Variants in RPS6KC1 observed in about 807,000 individuals in gnomAD.
The protein encoded by RPS6KC1 is ribosomal protein S6 kinase C1, also known as inactive ribosomal protein S6 kinase delta-1.
In RPS6KC1, 54 loss-of-function variants were observed where a neutral mutation model predicts 103.8. The observed-to-expected ratio is 0.52, with a 90% CI of 0.42 to 0.65. The LOEUF is 0.65. Ranked by LOEUF, RPS6KC1 falls within the 30% of genes least tolerant of loss-of-function variation. The pLI is 0.00. For missense variants in RPS6KC1, 1,151 were observed against 1,253.8 expected (o/e 0.92, Z 1.24); for synonymous variants, 439 against 438.7 (o/e 1.00, Z -0.01).
At chr1:213,810,144 G>A in the RPS6KC1 span, among the ~76,000 whole-genome samples, 1 of 152,200 alleles carries the variant, frequency 6.6e-6, no homozygotes. Flanking sequence ...CAATAATGTG[G>A]AATCAGGCAA....
chr1:213,193,075 T>C (rs1254035371), intron 8 of RPS6KC1, among the ~76,000 whole-genome samples: 1 of 151,980 alleles, frequency 6.6e-6, no homozygotes, highest in Non-Finnish European at 1.5e-5. Context: ...TATTCCAGTT[T>C]TTTTTTTTTT....
the RPS6KC1 span, among the ~76,000 whole-genome samples, chr1:213,851,287 G>C: frequency 6.6e-6 from 1 of 152,106 alleles, no homozygotes; most frequent in African/African-American, 2.4e-5. Context: ...CATCATCTCT[G>C]TATCACCTAC....
rs2094068897 is a variant in RPS6KC1 at position 213,230,507 on chromosome 1, T to C, written c.1055T>C (p.Val352Ala). The change falls in exon 9 of 15, where the codon GTA (valine) becomes GCA (alanine). Residue 352 changes from valine (V) to alanine (A), a missense_variant. Val to Ala is a moderately conservative substitution (Grantham distance 64). Transcript: ENST00000366960. Reference sequence around the variant, plus strand: ...GTGTCTTTTATGTAGGTTTTACTTGTAATGGACACAAGGACAGAACAGACT... The same window carrying C: ...GTGTCTTTTATGTAGGTTTTACTTGCAATGGACACAAGGACAGAACAGACT... Reference protein sequence around the residue: ...VLGVIDKVLLVMDTRTEQTFI... With the variant: ...VLGVIDKVLLAMDTRTEQTFI... 2 of 1,604,430 alleles carry C rather than the reference T, an allele frequency of 1.2e-6. No individual in the cohort carries two copies. Among genetic ancestry groups the C allele is most frequent in the Admixed American group, 1.7e-5 (1 of 58,770 alleles).
At chr1:213,545,434 AG>A in the RPS6KC1 span, among the ~76,000 whole-genome samples, 28,933 of 74,078 alleles carry the variant, frequency 0.39, 3,633 homozygotes, top group East Asian at 0.61. Flanking sequence ...ATAAAATAAA[AG>A]AGAGAGAGAG....
At chr1:213,072,497 G>C (rs1055055276) in intron 2 of RPS6KC1, among the ~76,000 whole-genome samples, 4 of 150,606 alleles carry the variant, frequency 2.7e-5, no homozygotes, top group Non-Finnish European at 5.9e-5. Flanking sequence ...GCAGTGAGCT[G>C]AGATTGCACC....
chr1:213,410,886 T>C, the RPS6KC1 span, among the ~76,000 whole-genome samples: 2 of 152,056 alleles, frequency 1.3e-5, no homozygotes, highest in South Asian at 2.1e-4. Context: ...GAGCAGGGGA[T>C]TGACTTTTCA....
the RPS6KC1 span, among the ~76,000 whole-genome samples, chr1:213,466,023 T>C: frequency 2.0e-5 from 3 of 152,108 alleles, no homozygotes; most frequent in Non-Finnish European, 4.4e-5. Context: ...GGGGGCAGAA[T>C]GCACAGAAGT....
the RPS6KC1 span, among the ~76,000 whole-genome samples, chr1:213,548,863 A>G: frequency 8.5e-5 from 13 of 152,174 alleles, no homozygotes; most frequent in Non-Finnish European, 1.8e-4. Flanking sequence ...TATTCAATAT[A>G]TATTTCCTAA....
the RPS6KC1 span, among the ~76,000 whole-genome samples, chr1:213,441,361 TC>T: frequency 6.6e-6 from 1 of 152,208 alleles, no homozygotes; most frequent in Non-Finnish European, 1.5e-5. Flanking sequence ...AAAACTGACT[TC>T]CTCTGTAACC....
At chr1:213,694,823 A>G in the RPS6KC1 span, among the ~76,000 whole-genome samples, 2 of 152,320 alleles carry the variant, frequency 1.3e-5, no homozygotes, top group East Asian at 1.9e-4. Context: ...TTCAACATTC[A>G]TATGTTCAAC....
chr1:213,448,016 T>C, the RPS6KC1 span, among the ~76,000 whole-genome samples: 2 of 151,930 alleles, frequency 1.3e-5, no homozygotes, highest in African/African-American at 4.8e-5. Flanking sequence ...GGAGGATTGC[T>C]TGAGGCCAGG....
In RPS6KC1 at chr1:213,263,978, A is replaced by G. The variant is rs180898171; in HGVS notation, c.3090+1162A>G. 2.6e-5 allele frequency among the ~76,000 whole-genome samples: 4 copies of G among 152,282 alleles called. No homozygotes were observed. The East Asian group carries it at 7.7e-4, about 29-fold the overall frequency. ...TTGGTGGAATGAATGGTTTGAACAA[A>G]GGCAAGGAAGGAGTCTGAAAGACCC... On this transcript the variant is annotated intron_variant, in intron 14 of 14. Coordinates refer to ENST00000366960, the MANE Select transcript of RPS6KC1 (RefSeq NM_012424.6).
chr1:213,398,479 T>C, the RPS6KC1 span, among the ~76,000 whole-genome samples: 1 of 152,074 alleles, frequency 6.6e-6, no homozygotes, highest in Non-Finnish European at 1.5e-5. Flanking sequence ...GAGGACAGGC[T>C]CTTTGGCCTG....
At chr1:213,742,234 C>T in the RPS6KC1 span, among the ~76,000 whole-genome samples, 1 of 152,226 alleles carries the variant, frequency 6.6e-6, no homozygotes, top group East Asian at 1.9e-4. Context: ...CTAAGAGATT[C>T]TGATTCTGGT....
the RPS6KC1 span, among the ~76,000 whole-genome samples, chr1:213,388,238 C>T: frequency 1.3e-5 from 2 of 152,268 alleles, no homozygotes; most frequent in Non-Finnish European, 2.9e-5. Context: ...AGGACAGATG[C>T]AGCCACCACT....
At chr1:213,140,957 C>T (rs890738885) in intron 6 of RPS6KC1, among the ~76,000 whole-genome samples, 4 of 146,990 alleles carry the variant, frequency 2.7e-5, no homozygotes, top group Non-Finnish European at 4.4e-5. Flanking sequence ...AGTGCAATGG[C>T]GTGATCTTGG....
the RPS6KC1 span, among the ~76,000 whole-genome samples, chr1:213,754,823 A>T: frequency 6.6e-6 from 1 of 152,238 alleles, no homozygotes; most frequent in Non-Finnish European, 1.5e-5. Context: ...GGGCTTCAAC[A>T]TATGAATTTG....
At chr1:213,693,925 C>T in the RPS6KC1 span, among the ~76,000 whole-genome samples, 1 of 152,212 alleles carries the variant, frequency 6.6e-6, no homozygotes, top group African/African-American at 2.4e-5. Flanking sequence ...ACAATTCCTG[C>T]CCCCGATCTG....
intron 8 of RPS6KC1, among the ~76,000 whole-genome samples, chr1:213,194,815 GA>G (rs1261376964): frequency 6.6e-6 from 1 of 152,186 alleles, no homozygotes; most frequent in Non-Finnish European, 1.5e-5. Context: ...GTCCCCAAGA[GA>G]AATTGTCTGA....
Sources: gnomAD v4.1 joint callset for allele counts (sites outside exome capture counted in the v4.1 genomes callset) on GRCh38, gnomAD v4.1.1 for gene constraint, MANE v1.5 for transcripts, NCBI Gene and HGNC (gene_info 2026-07-23, HGNC 2026-07-21) for gene names.